The following ATP8B4 variants were observed in gnomAD, a reference collection of about 807,000 sequenced individuals.
ATP8B4 encodes ATPase phospholipid transporting 8B4 (putative).
In ATP8B4, 133 loss-of-function variants were observed where a neutral mutation model predicts 145.6. The ratio of observed to expected loss-of-function variants is 0.91; its 90% CI spans 0.79 to 1.05. ATP8B4 has a LOEUF of 1.05. Ranked by LOEUF, ATP8B4 falls within the 50% of genes least tolerant of loss-of-function variation. The pLI, the probability that ATP8B4 is intolerant of heterozygous loss-of-function variation, is 0.00. For synonymous variants in ATP8B4, 507 were observed against 492.9 expected, an observed-to-expected ratio of 1.03 and a Z score of -0.38; for missense variants, 1,458 against 1,425.2, an observed-to-expected ratio of 1.02 and a Z score of -0.37.
chr15:50,101,804 C>T (rs1049429522), intron 2 of ATP8B4, among the ~76,000 whole-genome samples: 1 of 152,148 alleles, frequency 6.6e-6, no homozygotes, highest in Admixed American at 6.6e-5. Flanking sequence ...TATTCATCAG[C>T]ACATGGAATA....
chr15:49,902,510 C>T (rs1385832610), intron 20 of ATP8B4, among the ~76,000 whole-genome samples: 2 of 152,214 alleles, frequency 1.3e-5, no homozygotes, highest in Non-Finnish European at 2.9e-5. Context: ...ACCAAAATCA[C>T]ATCTGCATTT....
At chr15:49,936,990 G>C (rs1222126363) in intron 14 of ATP8B4, among the ~76,000 whole-genome samples, 1 of 151,206 alleles carries the variant, frequency 6.6e-6, no homozygotes, top group Non-Finnish European at 1.5e-5. Flanking sequence ...TCTTGTTCTT[G>C]TTTCATGGAT....
chr15:49,920,183 T>G (rs941917912), intron 18 of ATP8B4, 63 bp downstream of exon 18: 1 of 1,567,012 alleles, frequency 6.4e-7, no homozygotes, highest in African/African-American at 1.4e-5. Flanking sequence ...ATTCCTGTGC[T>G]AAATCTCTAA....
chr15:49,979,862 G>C (rs763349165), intron 11 of ATP8B4, 49 bp from the exon 12 acceptor site: 1 of 1,349,090 alleles, frequency 7.4e-7, no homozygotes, highest in Non-Finnish European at 1.0e-6. Flanking sequence ...CTCAAAATTA[G>C]TCATATCAAC....
intron 2 of ATP8B4, among the ~76,000 whole-genome samples, chr15:50,086,576 TATA>T (rs1264096036): frequency 9.1e-6 from 1 of 110,244 alleles, no homozygotes; most frequent in East Asian, 2.6e-4. Flanking sequence ...ATTTATTATA[TATA>T]ATAAAATAAT....
intron 6 of ATP8B4, among the ~76,000 whole-genome samples, chr15:50,028,018 TTC>T (rs750625334): frequency 1.3e-5 from 2 of 152,226 alleles, no homozygotes; most frequent in Non-Finnish European, 2.9e-5. Flanking sequence ...TCAAAATCTA[TTC>T]TTTCTCCATC....
At chr15:49,999,751 A>G (rs1169780733) in intron 8 of ATP8B4, among the ~76,000 whole-genome samples, 3 of 152,074 alleles carry the variant, frequency 2.0e-5, no homozygotes, top group African/African-American at 7.2e-5. Context: ...ATAATATCAC[A>G]ACCACGATAT....
At chr15:49,949,061 G>T (rs1469599799) in intron 14 of ATP8B4, among the ~76,000 whole-genome samples, 1 of 152,108 alleles carries the variant, frequency 6.6e-6, no homozygotes, top group Admixed American at 6.5e-5. Flanking sequence ...TGCTGTTTTG[G>T]TTATGGTAGC....
At position 49,934,162 on chromosome 15, in the gene ATP8B4, G is replaced by T. The variant is rs55687265; in HGVS notation, c.1308C>A (p.Phe436Leu). 7.5e-6 allele frequency: 12 copies of T among 1,610,572 alleles called. No homozygotes were observed. In the East Asian group the frequency reaches 2.2e-4, roughly 30 times the overall value. The change falls in exon 15 of 28, where the codon TTC becomes TTA. Residue 436 changes from phenylalanine (F) to leucine (L), a missense_variant. Physicochemically the swap from Phe to Leu is conservative, Grantham distance 22 (BLOSUM62 0). Transcript: ENST00000284509. ...CTCTATCCGCTTGAGATTTGACTGA[G>T]AAATCCACAGGCTCTTTTTCCTGTA... ...EITQEKEPVDFSVKSQADREF... is the reference protein window; with the variant it reads ...EITQEKEPVDLSVKSQADREF...
At chr15:50,114,991 A>G (rs191659967) in intron 1 of ATP8B4, among the ~76,000 whole-genome samples, 1 of 152,208 alleles carries the variant, frequency 6.6e-6, no homozygotes, top group Non-Finnish European at 1.5e-5. Flanking sequence ...AAAAGCCCAC[A>G]GTCTGGGGAA....
At chr15:49,964,568 A>T (rs923644543) in intron 13 of ATP8B4, among the ~76,000 whole-genome samples, 1 of 152,228 alleles carries the variant, frequency 6.6e-6, no homozygotes, top group African/African-American at 2.4e-5. Flanking sequence ...ATTCTGAAAC[A>T]TTGAGTGCTT....
At chr15:50,042,516 TATCA>T (rs1323629998) in intron 5 of ATP8B4, among the ~76,000 whole-genome samples, 1 of 152,194 alleles carries the variant, frequency 6.6e-6, no homozygotes, top group Non-Finnish European at 1.5e-5. Context: ...CCACCTCTGT[TATCA>T]ATCTAGCTAC....
chr15:49,989,636 C>T (rs1173487313), intron 9 of ATP8B4, among the ~76,000 whole-genome samples: 1 of 151,982 alleles, frequency 6.6e-6, no homozygotes, highest in Non-Finnish European at 1.5e-5. Context: ...CCAAGGGGTA[C>T]TGCCTGGGTT....
At chr15:50,165,771 CAGAA>C (rs1278576869) in intron 1 of ATP8B4, among the ~76,000 whole-genome samples, 1 of 101,360 alleles carries the variant, frequency 9.9e-6, no homozygotes, top group Non-Finnish European at 2.2e-5. Context: ...AATTGAAACA[CAGAA>C]AGAAAAAAGC....
chr15:49,923,690 C>T (rs776307642), intron 16 of ATP8B4, among the ~76,000 whole-genome samples, 196 bp from the exon 17 acceptor site: 58 of 152,152 alleles, frequency 3.8e-4, no homozygotes, highest in Admixed American at 1.5e-3. Flanking sequence ...AGAAATGCTC[C>T]ATCTACTGGA....
chr15:49,981,530 G>A (rs1310395089), intron 10 of ATP8B4, among the ~76,000 whole-genome samples: 3 of 152,156 alleles, frequency 2.0e-5, no homozygotes. Context: ...GTCAGAACTT[G>A]TAGTTGAAAG....
intron 8 of ATP8B4, among the ~76,000 whole-genome samples, chr15:50,000,559 T>G (rs2047804097): frequency 6.6e-6 from 1 of 152,194 alleles, no homozygotes; most frequent in African/African-American, 2.4e-5. Flanking sequence ...GTTTTTTTAC[T>G]ATTGAGTTTT....
chr15:50,004,148 C>A (rs1272489983), intron 7 of ATP8B4, among the ~76,000 whole-genome samples: 1 of 152,210 alleles, frequency 6.6e-6, no homozygotes, highest in Non-Finnish European at 1.5e-5. Flanking sequence ...CCTCCCTTCT[C>A]CCTGTCCCTC....
chr15:50,169,816 T>C (rs1246236513), intron 1 of ATP8B4, among the ~76,000 whole-genome samples: 1 of 152,090 alleles, frequency 6.6e-6, no homozygotes, highest in Non-Finnish European at 1.5e-5. Context: ...TTTATAGAAA[T>C]AGATAGCTTA....
Sources: allele counts gnomAD v4.1 joint callset (sites outside exome capture counted in the v4.1 genomes callset), GRCh38; gene constraint gnomAD v4.1.1; transcripts MANE v1.5; gene names NCBI Gene and HGNC (gene_info 2026-07-23, HGNC 2026-07-21).